The following WDR44 variants were observed in gnomAD, a reference collection of about 807,000 sequenced individuals.
WDR44 encodes the protein WD repeat-containing protein 44.
A neutral mutation model predicts 65.7 loss-of-function variants in WDR44; 9 were observed. That is an observed-to-expected ratio of 0.14 (90% CI 0.08 to 0.24). WDR44 has a LOEUF of 0.24. WDR44 is among the 10% of genes least tolerant of loss of function. The pLI, the probability that WDR44 is intolerant of heterozygous loss-of-function variation, is 1.00. For missense variants in WDR44, 425 were observed against 670.9 expected, an observed-to-expected ratio of 0.63 and a Z score of 4.05; for synonymous variants, 220 against 235.2, an observed-to-expected ratio of 0.94 and a Z score of 0.59.
At chrX:118,377,930 G>A (rs1369646239) in intron 1 of WDR44, among the ~76,000 whole-genome samples, 4 of 109,064 alleles carry the variant, frequency 3.7e-5, no homozygotes, top group Admixed American at 9.9e-5. Flanking sequence ...GTCTCACTCC[G>A]TTGACCAGAC....
intron 12 of WDR44, 32 bp from the exon 13 acceptor site, chrX:118,432,749 C>A: frequency 9.0e-7 from 1 of 1,113,964 alleles, no homozygotes; most frequent in Non-Finnish European, 1.2e-6. Context: ...TTTTACATTG[C>A]AGTTTCAAAG....
chrX:118,421,647 A>C (rs761936199), intron 12 of WDR44, among the ~76,000 whole-genome samples: 1 of 111,899 alleles, frequency 8.9e-6, no homozygotes, highest in Admixed American at 9.6e-5. Context: ...TCTGTGTGGA[A>C]TATAATATAT....
chrX:118,398,258 T>A (rs2056882519), intron 7 of WDR44, 129 bp from the exon 8 acceptor site: 1 of 422,425 alleles, frequency 2.4e-6, no homozygotes, highest in African/African-American at 2.5e-5. Context: ...AATAAATAAT[T>A]AAAATTATGT....
rs992837765 is a variant in WDR44, at chrX:118,346,143, A to G, written c.-361A>G. On this transcript the variant is annotated 5_prime_UTR_variant, in exon 1 of 20. Coordinates refer to ENST00000254029, the MANE Select transcript of WDR44 (RefSeq NM_019045.5). ...GCAACTAGCTCTTCCAGCTGCTGTA[A>G]ATTGCTGCTGCGGGAGAAACTGGAG... 3.3e-6 allele frequency: 1 copy of G among 302,748 alleles called. No individual in the cohort carries two copies. The highest frequency in any genetic ancestry group is 2.7e-5 in the African/African-American group (1 of 36,981). 24.9% of individuals were successfully genotyped at this position (302,748 alleles called of 1,213,427 possible).
chrX:118,387,564 A>T (rs2056782479), intron 3 of WDR44, 150 bp downstream of exon 3: 1 of 333,473 alleles, frequency 3.0e-6, no homozygotes, highest in Non-Finnish European at 5.2e-6. Flanking sequence ...TTTGTGGTTG[A>T]AGACATTTCA....
intron 13 of WDR44, among the ~76,000 whole-genome samples, chrX:118,434,711 G>T (rs553099649): frequency 3.6e-5 from 4 of 111,513 alleles, no homozygotes; most frequent in African/African-American, 1.3e-4. Flanking sequence ...CAGAGGAAAG[G>T]AACAAAATTT....
intron 1 of WDR44, among the ~76,000 whole-genome samples, chrX:118,369,723 C>CT (rs752260640): frequency 7.5e-4 from 81 of 108,601 alleles, no homozygotes; most frequent in Middle Eastern, 4.9e-3. Context: ...CCGCCTCGGC[C>CT]ACCAAAGTGC....
intron 1 of WDR44, among the ~76,000 whole-genome samples, chrX:118,366,962 C>G (rs934070708): frequency 1.8e-5 from 2 of 110,301 alleles, no homozygotes; most frequent in African/African-American, 6.6e-5. Context: ...GGCGGGCGCC[C>G]GTAGTCCCAG....
chrX:118,354,564 A>C (rs1217872411), intron 1 of WDR44, among the ~76,000 whole-genome samples: 1 of 111,781 alleles, frequency 8.9e-6, no homozygotes, highest in Non-Finnish European at 1.9e-5. Context: ...TTTTTAAAAA[A>C]TCTGAGGATG....
At position 118,370,049 on chromosome X, in the gene WDR44, A is replaced by G. The variant is rs761069819; in HGVS notation, c.78-8370A>G. Among the ~76,000 whole-genome samples the G allele has an allele frequency of 1.2e-3, 132 of 112,077 alleles. 1 individual carries two copies. Among genetic ancestry groups the G allele is most frequent in the Admixed American group, 3.8e-3 (40 of 10,506 alleles). On this transcript the variant is annotated intron_variant, in intron 1 of 19. Transcript: ENST00000254029. ...GACACTGTCTTCAATTTCAGAAACT[A>G]TGCTGCAAAATCAAAATTTTGCTGT...
chrX:118,436,611 T>G, intron 13 of WDR44, 91 bp from the exon 14 acceptor site: 2 of 975,211 alleles, frequency 2.1e-6, no homozygotes, highest in Non-Finnish European at 2.9e-6. Context: ...ACAAAACTGT[T>G]GAGATACAAA....
Position 118,392,968 on chromosome X carries a change from G to A in WDR44, c.523G>A (p.Val175Ile). 1 of 1,212,314 alleles carries A rather than the reference G, an allele frequency of 8.2e-7. No individual in the cohort carries two copies. Among genetic ancestry groups the A allele is most frequent in the Non-Finnish European group, 1.1e-6 (1 of 895,689 alleles). ...QLNVLETETE[V>I]LNKEAVEVKG... ...TAATGTGCTTGAAACTGAAACAGAA[G>A]TATTGAACAAGGAAGCAGTGGAAGT... is the stretch of plus-strand genomic sequence containing the variant. Residue 175 changes from valine to isoleucine, a missense_variant, in exon 4 of 20, where the codon GTA (valine) becomes ATA (isoleucine). By Grantham distance (29) the Val-to-Ile change is conservative. Coordinates refer to ENST00000254029, the MANE Select transcript of WDR44 (RefSeq NM_019045.5).
intron 12 of WDR44, among the ~76,000 whole-genome samples, chrX:118,421,200 C>T (rs745720416): frequency 8.9e-6 from 1 of 111,939 alleles, no homozygotes; most frequent in East Asian, 2.8e-4. Flanking sequence ...ATTTACCATA[C>T]AGTTTCCAGG....
At chrX:118,386,333 AAT>A (rs2056765654) in intron 2 of WDR44, 1 of 348,168 alleles carries the variant, frequency 2.9e-6, no homozygotes, top group Admixed American at 3.6e-5. Flanking sequence ...GAGATTTGCA[AAT>A]ATATGATTGT....
chrX:118,386,963 C>G (rs898967264), intron 2 of WDR44, among the ~76,000 whole-genome samples: 14 of 110,048 alleles, frequency 1.3e-4, no homozygotes, highest in Non-Finnish European at 1.9e-5. Flanking sequence ...GGGTAGATCA[C>G]TTGAGGTCAG....
chrX:118,368,501 C>A (rs2056575823), intron 1 of WDR44, among the ~76,000 whole-genome samples: 1 of 69,965 alleles, frequency 1.4e-5, no homozygotes, highest in South Asian at 6.7e-4. Context: ...GACCTTTCCG[C>A]ATTCCTCCAG....
intron 13 of WDR44, among the ~76,000 whole-genome samples, chrX:118,433,283 A>G (rs2057227102): frequency 1.8e-5 from 2 of 111,617 alleles, no homozygotes; most frequent in Non-Finnish European, 3.8e-5. Context: ...TGATGATTTG[A>G]TGCTATTGAT....
At chrX:118,349,578 G>A (rs2056384790) in intron 1 of WDR44, among the ~76,000 whole-genome samples, 1 of 103,746 alleles carries the variant, frequency 9.6e-6, no homozygotes, top group South Asian at 4.3e-4. Flanking sequence ...TTTTTTTTGA[G>A]ATGGAGTCTC....
Position 118,392,884 on chromosome X carries a change from T to G in WDR44, c.439T>G (p.Cys147Gly), listed in dbSNP as rs1569367428. Residue 147 changes from cysteine to glycine, a missense_variant, in exon 4 of 20, where the codon TGT becomes GGT. Coordinates refer to ENST00000254029, the MANE Select transcript of WDR44 (RefSeq NM_019045.5). ...LKKCFPSDET[C>G]EKPVDETTKL... ...AAAATGCTTTCCTTCTGATGAAACC[T>G]GTGAGAAACCAGTAGATGAAACCAC... The G allele has an allele frequency of 8.2e-7, 1 of 1,212,403 alleles. No homozygotes were observed. The highest frequency in any genetic ancestry group is 3.0e-5 in the East Asian group (1 of 33,862).
Sources: allele counts gnomAD v4.1 joint callset (sites outside exome capture counted in the v4.1 genomes callset), GRCh38; gene constraint gnomAD v4.1.1; transcripts MANE v1.5; gene names NCBI Gene and HGNC (gene_info 2026-07-23, HGNC 2026-07-21).